SLC35F1: variants seen among roughly 807,000 people sequenced by gnomAD.
SLC35F1 encodes solute carrier family 35 member F1, also known as chromosome 6 open reading frame 169.
Under a neutral mutation model 48.7 loss-of-function variants are expected in SLC35F1, and 14 were observed. The ratio of observed to expected loss-of-function variants is 0.29; its 90% CI spans 0.19 to 0.45. The LOEUF is 0.45. Among genes scored for constraint, SLC35F1 ranks in the 20% least tolerant of loss-of-function variants. The pLI, the probability that SLC35F1 is intolerant of heterozygous loss-of-function variation, is 1.00. For synonymous variants in SLC35F1, 190 were observed against 202.2 expected, an observed-to-expected ratio of 0.94 and a Z score of 0.51; for missense variants, 404 against 500.0, an observed-to-expected ratio of 0.81 and a Z score of 1.83.
intron 7 of SLC35F1, among the ~76,000 whole-genome samples, chr6:118,300,017 T>C (rs1328988723): frequency 3.9e-5 from 6 of 152,210 alleles, no homozygotes; most frequent in African/African-American, 1.4e-4. Flanking sequence ...CAGTGAATAT[T>C]CAACAAATAA....
intron 2 of SLC35F1, among the ~76,000 whole-genome samples, chr6:118,220,341 G>T (rs1775131453): frequency 6.6e-6 from 1 of 152,082 alleles, no homozygotes; most frequent in Non-Finnish European, 1.5e-5. Context: ...ATCGGGGGAA[G>T]TCTTCTAATA....
At chr6:117,965,420 T>TG (rs1420962630) in intron 1 of SLC35F1, among the ~76,000 whole-genome samples, 1 of 152,230 alleles carries the variant, frequency 6.6e-6, no homozygotes, top group Non-Finnish European at 1.5e-5. Flanking sequence ...TTATGAACCC[T>TG]GCTTAGATTG....
intron 1 of SLC35F1, among the ~76,000 whole-genome samples, chr6:118,077,640 A>G (rs1772841788): frequency 6.6e-6 from 1 of 152,232 alleles, no homozygotes; most frequent in Non-Finnish European, 1.5e-5. Flanking sequence ...TGTGATATAA[A>G]AATGCTGGAC....
intron 6 of SLC35F1, among the ~76,000 whole-genome samples, chr6:118,283,272 C>T (rs1226545288): frequency 2.0e-5 from 3 of 152,190 alleles, no homozygotes; most frequent in Non-Finnish European, 4.4e-5. Flanking sequence ...GTAAATGCCA[C>T]CTCCACAAAG....
intron 1 of SLC35F1, among the ~76,000 whole-genome samples, chr6:118,039,669 A>G (rs767915092): frequency 6.6e-6 from 1 of 151,522 alleles, no homozygotes; most frequent in Non-Finnish European, 1.5e-5. Context: ...GTATTTTTTT[A>G]GTTTAAAATA....
intron 1 of SLC35F1, among the ~76,000 whole-genome samples, chr6:118,055,828 A>C (rs994511010): frequency 3.9e-5 from 6 of 152,226 alleles, no homozygotes; most frequent in African/African-American, 2.4e-5. Flanking sequence ...TTTATTGATG[A>C]GCCTGGCCTT....
intron 1 of SLC35F1, among the ~76,000 whole-genome samples, chr6:118,127,741 T>G (rs982392603): frequency 6.6e-6 from 1 of 151,712 alleles, no homozygotes; most frequent in Non-Finnish European, 1.5e-5. Flanking sequence ...ATTCAGGACA[T>G]AGGCATGGGC....
At chr6:118,163,211 A>C (rs1582704457) in intron 2 of SLC35F1, among the ~76,000 whole-genome samples, 1 of 151,678 alleles carries the variant, frequency 6.6e-6, no homozygotes, top group Non-Finnish European at 1.5e-5. Flanking sequence ...TGATCCACCC[A>C]CCTCGGCCTC....
At chr6:118,201,403 C>T (rs550986343) in intron 2 of SLC35F1, among the ~76,000 whole-genome samples, 1 of 152,268 alleles carries the variant, frequency 6.6e-6, no homozygotes, top group East Asian at 1.9e-4. Context: ...ATTTCTTCAA[C>T]AGATGTGAAA....
At chr6:118,254,597 C>T (rs567288746) in intron 3 of SLC35F1, among the ~76,000 whole-genome samples, 142 of 152,194 alleles carry the variant, frequency 9.3e-4, no homozygotes, top group African/African-American at 3.1e-3. Context: ...GGTTTTCTAA[C>T]GAAACCTGGA....
At chr6:118,039,172 G>T (rs1772175365) in intron 1 of SLC35F1, among the ~76,000 whole-genome samples, 1 of 152,106 alleles carries the variant, frequency 6.6e-6, no homozygotes, top group Non-Finnish European at 1.5e-5. Flanking sequence ...GCGCTTTCAA[G>T]ATGTTGTCTT....
At chr6:117,947,364 G>T (rs1776307797) in intron 1 of SLC35F1, among the ~76,000 whole-genome samples, 1 of 152,162 alleles carries the variant, frequency 6.6e-6, no homozygotes, top group Non-Finnish European at 1.5e-5. Flanking sequence ...AGGAGGACTG[G>T]TAATTGGAGA....
chr6:118,249,634 G>C (rs1396663803), intron 3 of SLC35F1, among the ~76,000 whole-genome samples: 1 of 152,220 alleles, frequency 6.6e-6, no homozygotes, highest in East Asian at 1.9e-4. Context: ...GCTTCGAGCT[G>C]CTTTTTGACT....
chr6:117,950,337 G>C (rs1280472350), intron 1 of SLC35F1, among the ~76,000 whole-genome samples: 2 of 152,230 alleles, frequency 1.3e-5, no homozygotes, highest in South Asian at 4.1e-4. Flanking sequence ...ATCCCAGAAT[G>C]CATACTACTA....
chr6:118,026,506 C>T (rs1723218367), intron 1 of SLC35F1, among the ~76,000 whole-genome samples: 1 of 152,182 alleles, frequency 6.6e-6, no homozygotes, highest in South Asian at 2.1e-4. Context: ...ATATTGACAT[C>T]ACTCTTGGTT....
In SLC35F1 at chr6:117,974,332, C is replaced by T. The variant is rs548987116; in HGVS notation, c.173+66433C>T. ...CAGACTAGCAATGTTCCAAACATAGCTGTATTTTCACATGATAGATACTCA... is the reference window on the plus strand; with the variant it reads ...CAGACTAGCAATGTTCCAAACATAGTTGTATTTTCACATGATAGATACTCA... On this transcript the variant is annotated intron_variant, in intron 1 of 7. Coordinates refer to ENST00000360388, the MANE Select transcript of SLC35F1 (RefSeq NM_001029858.4). Among the ~76,000 whole-genome samples, 22 of 152,242 alleles carry T rather than the reference C, an allele frequency of 1.4e-4. 1 individual carries two copies. The South Asian group carries it at 4.6e-3, about 32-fold the overall frequency.
At chr6:118,046,669 T>C (rs918094633) in intron 1 of SLC35F1, among the ~76,000 whole-genome samples, 3 of 152,134 alleles carry the variant, frequency 2.0e-5, no homozygotes, top group Non-Finnish European at 4.4e-5. Flanking sequence ...GCTCCTAGGA[T>C]AGTGTCTGGG....
In SLC35F1 at chr6:117,954,626, A is replaced by G. The variant is rs1005548038; in HGVS notation, c.173+46727A>G. ...TCTAGACCTACAGAATTAAAATATC[A>G]TAAGTTAAGAAGTAGGGCTGGCAGG... On this transcript the variant is annotated intron_variant, in intron 1 of 7. Transcript: ENST00000360388. Among the ~76,000 whole-genome samples, 7 of 152,212 alleles carry G rather than the reference A, an allele frequency of 4.6e-5. No homozygotes were observed. The East Asian group carries it at 5.8e-4, about 13-fold the overall frequency.
chr6:118,164,153 A>G (rs1774281676), intron 2 of SLC35F1, among the ~76,000 whole-genome samples: 1 of 152,250 alleles, frequency 6.6e-6, no homozygotes, highest in Non-Finnish European at 1.5e-5. Flanking sequence ...GATACTTGTT[A>G]GGACTTTTTA....
Sources: allele counts gnomAD v4.1 joint callset (sites outside exome capture counted in the v4.1 genomes callset), GRCh38; gene constraint gnomAD v4.1.1; transcripts MANE v1.5; gene names NCBI Gene and HGNC (gene_info 2026-07-23, HGNC 2026-07-21).